GABRG3: variants seen among roughly 807,000 people sequenced by gnomAD.
GABRG3 encodes the protein gamma-aminobutyric acid receptor subunit gamma-3.
GABRG3 carries 25 observed loss-of-function variants against 48.8 expected under a neutral mutation model. The ratio of observed to expected loss-of-function variants is 0.51; its 90% CI spans 0.37 to 0.72. The LOEUF (loss-of-function observed/expected upper bound fraction) is 0.72. GABRG3 is among the 30% of genes least tolerant of loss of function. The pLI, the probability that GABRG3 is intolerant of heterozygous loss-of-function variation, is 0.00. For synonymous variants in GABRG3, 227 were observed against 217.6 expected (o/e 1.04, Z -0.38); for missense variants, 394 against 577.9 (o/e 0.68, Z 3.26).
At chr15:27,201,321 C>A (rs1193720565) in intron 3 of GABRG3, among the ~76,000 whole-genome samples, 1 of 150,284 alleles carries the variant, frequency 6.7e-6, no homozygotes, top group African/African-American at 2.5e-5. Context: ...GCTCAACACC[C>A]GATGCCAGTG....
chr15:27,398,159 T>G (rs2140583982), intron 5 of GABRG3, among the ~76,000 whole-genome samples: 1 of 152,288 alleles, frequency 6.6e-6, no homozygotes, highest in East Asian at 1.9e-4. Flanking sequence ...GGTCAAAGAC[T>G]TAATGTCTAT....
intron 3 of GABRG3, among the ~76,000 whole-genome samples, chr15:27,138,627 C>T (rs866061961): frequency 2.8e-4 from 43 of 152,290 alleles, no homozygotes; most frequent in Middle Eastern, 3.4e-3. Flanking sequence ...TTCATCTGGA[C>T]ACCTTTCTTC....
intron 5 of GABRG3, among the ~76,000 whole-genome samples, chr15:27,425,467 T>C (rs373769653): frequency 0.051 from 6,390 of 124,970 alleles, 168 homozygotes; most frequent in Middle Eastern, 0.11. Flanking sequence ...AAAAAAAAAA[T>C]AGGCGTGGTG....
chr15:27,483,155 A>C (rs1818540872), intron 6 of GABRG3: 1 of 152,252 alleles, frequency 6.6e-6, no homozygotes, highest in Non-Finnish European at 1.5e-5. Context: ...AACAGAAACA[A>C]CGTGTTGTCT....
At chr15:27,276,104 G>A (rs557989268) in intron 3 of GABRG3, among the ~76,000 whole-genome samples, 1 of 152,202 alleles carries the variant, frequency 6.6e-6, no homozygotes, top group Admixed American at 6.5e-5. Context: ...TAGTAAGGGA[G>A]ATCAGCCACC....
intron 5 of GABRG3, among the ~76,000 whole-genome samples, chr15:27,460,901 G>T (rs1889428178): frequency 6.6e-6 from 1 of 152,116 alleles, no homozygotes; most frequent in Non-Finnish European, 1.5e-5. Context: ...ACTTCTCAGG[G>T]CTAGATAGCT....
intron 5 of GABRG3, among the ~76,000 whole-genome samples, chr15:27,479,113 TC>T (rs1302073703): frequency 6.6e-6 from 1 of 150,786 alleles, no homozygotes; most frequent in Non-Finnish European, 1.5e-5. Flanking sequence ...GTTCCACCAT[TC>T]AGAGAATATG....
rs1350530441 is a variant in GABRG3, at chr15:27,533,409, C to T, written c.*528C>T. 6.5e-6 allele frequency: 1 copy of T among 154,584 alleles called. No homozygotes were observed. Among genetic ancestry groups the T allele is most frequent in the Non-Finnish European group, 1.4e-5 (1 of 69,782 alleles). The allele number at this position is 154,584 out of a possible 1,614,324, so 9.6% of individuals were successfully genotyped here. A position where few individuals can be genotyped will look rare whatever the true frequency, so the allele number is the denominator to read the frequency against. On this transcript the variant is annotated 3_prime_UTR_variant, in exon 10 of 10. Transcript: ENST00000615808. ...CCCCAGTCTCCTTTCTCTGTGGCCT[C>T]TCTGGCTCCAGCACCATCATCGTTA...
intron 6 of GABRG3, among the ~76,000 whole-genome samples, chr15:27,513,688 G>C (rs1890953742): frequency 1.3e-5 from 2 of 149,616 alleles, no homozygotes; most frequent in Non-Finnish European, 2.9e-5. Flanking sequence ...TTTAAAGGCT[G>C]TATTGGAAAA....
At chr15:27,206,838 T>C (rs1380453685) in intron 3 of GABRG3, among the ~76,000 whole-genome samples, 3 of 152,156 alleles carry the variant, frequency 2.0e-5, no homozygotes, top group Non-Finnish European at 2.9e-5. Context: ...ATTGTTGGTT[T>C]AGTCTGTTTT....
chr15:27,315,373 A>T (rs1893178102), intron 3 of GABRG3, among the ~76,000 whole-genome samples: 1 of 152,240 alleles, frequency 6.6e-6, no homozygotes, highest in South Asian at 2.1e-4. Flanking sequence ...CTTGAGTAGG[A>T]CAAAATATAC....
intron 3 of GABRG3, among the ~76,000 whole-genome samples, chr15:27,252,490 C>A (rs1220281327): frequency 2.0e-5 from 3 of 152,218 alleles, no homozygotes; most frequent in Non-Finnish European, 4.4e-5. Flanking sequence ...TTGTCCAGGT[C>A]GGTCAGAACA....
intron 5 of GABRG3, among the ~76,000 whole-genome samples, chr15:27,332,621 A>G (rs140459723): frequency 3.9e-4 from 59 of 152,328 alleles, no homozygotes; most frequent in African/African-American, 1.4e-3. Flanking sequence ...GTATTTTTCA[A>G]TTAAATACAC....
chr15:27,101,272 A>G (rs1377250250), intron 3 of GABRG3, among the ~76,000 whole-genome samples: 1 of 152,242 alleles, frequency 6.6e-6, no homozygotes, highest in African/African-American at 2.4e-5. Flanking sequence ...CTATTAATAT[A>G]TGCTGAAAAT....
At chr15:27,205,176 G>C (rs1202348967) in intron 3 of GABRG3, among the ~76,000 whole-genome samples, 3 of 152,032 alleles carry the variant, frequency 2.0e-5, no homozygotes, top group Non-Finnish European at 4.4e-5. Context: ...CATTCGATGT[G>C]ATTTTGGCTG....
intron 3 of GABRG3, among the ~76,000 whole-genome samples, chr15:27,123,644 A>G (rs1897769156): frequency 6.6e-6 from 1 of 152,186 alleles, no homozygotes; most frequent in African/African-American, 2.4e-5. Flanking sequence ...CCATCGGAAA[A>G]TGATGGGTGC....
At chr15:27,387,315 A>G (rs1895952870) in intron 5 of GABRG3, among the ~76,000 whole-genome samples, 1 of 152,022 alleles carries the variant, frequency 6.6e-6, no homozygotes, top group Non-Finnish European at 1.5e-5. Flanking sequence ...GTATGAAATT[A>G]TGAGACTCTG....
intron 6 of GABRG3, among the ~76,000 whole-genome samples, chr15:27,490,893 C>T (rs1230650169): frequency 1.3e-5 from 2 of 151,650 alleles, no homozygotes; most frequent in African/African-American, 4.8e-5. Context: ...CCACCACCCC[C>T]ACCACCACCC....
chr15:27,300,678 C>CAAAAAAAA (rs10600874), intron 3 of GABRG3, among the ~76,000 whole-genome samples: 2 of 101,284 alleles, frequency 2.0e-5, no homozygotes, highest in African/African-American at 3.6e-5. Flanking sequence ...AATAAATAAG[C>CAAAAAAAA]AAAAAAAAAA....
Sources: allele counts gnomAD v4.1 joint callset (sites outside exome capture counted in the v4.1 genomes callset), GRCh38; gene constraint gnomAD v4.1.1; transcripts MANE v1.5; gene names NCBI Gene and HGNC (gene_info 2026-07-23, HGNC 2026-07-21).